Variants in SF3B3 observed in about 807,000 individuals in gnomAD.
SF3B3 encodes splicing factor 3b subunit 3.
In SF3B3, 33 loss-of-function variants were observed where a neutral mutation model predicts 139.2. The observed-to-expected ratio is 0.24, with a 90% CI of 0.18 to 0.32. SF3B3 has a LOEUF of 0.32. SF3B3 is among the 10% of genes least tolerant of loss of function. The pLI is 1.00. For missense variants in SF3B3, 818 were observed against 1,509.4 expected, an observed-to-expected ratio of 0.54 and a Z score of 7.59; for synonymous variants, 596 against 563.6, an observed-to-expected ratio of 1.06 and a Z score of -0.81.
At chr16:70,537,308 A>G (rs1337729066) in intron 6 of SF3B3, among the ~76,000 whole-genome samples, 2 of 152,120 alleles carry the variant, frequency 1.3e-5, no homozygotes, top group African/African-American at 2.4e-5. Context: ...GTGCCTGCCC[A>G]TTGTCTTCAT....
At chr16:70,532,301 AAAG>A (rs2050128789) in intron 4 of SF3B3, among the ~76,000 whole-genome samples, 175 bp from the exon 5 acceptor site, 1 of 141,676 alleles carries the variant, frequency 7.1e-6, no homozygotes, top group South Asian at 2.2e-4. Context: ...AAAAAAAAAA[AAAG>A]ATCATACCTC....
chr16:70,556,547 T>A, intron 14 of SF3B3: 2 of 625,390 alleles, frequency 3.2e-6, no homozygotes, highest in Non-Finnish European at 5.5e-6. Context: ...ACAGAAATGT[T>A]TCTTTGGCTT....
intron 9 of SF3B3, among the ~76,000 whole-genome samples, chr16:70,542,416 T>G (rs540896062): frequency 1.3e-5 from 2 of 152,342 alleles, no homozygotes; most frequent in African/African-American, 4.8e-5. Context: ...AGGAGGAACC[T>G]GAAGTGGCTC....
At chr16:70,528,089 A>G (rs1188655325) in intron 2 of SF3B3, among the ~76,000 whole-genome samples, 1 of 150,490 alleles carries the variant, frequency 6.6e-6, no homozygotes, top group African/African-American at 2.4e-5. Context: ...GCACATTTTT[A>G]ATACTAATTT....
chr16:70,532,659 G>T lies in SF3B3; in HGVS notation c.712+39G>T, dbSNP rs747625909. On this transcript the variant is annotated intron_variant, in intron 5 of 25. Coordinates refer to ENST00000302516, the MANE Select transcript of SF3B3 (RefSeq NM_012426.5). The stretch of plus-strand genomic sequence containing the variant: ...AGAGCTGCTTTGTACCCTTTTACTT[G>T]GTTCATTTTATGCCCAAACCTAATA... 7 of 1,604,710 alleles carry T rather than the reference G, an allele frequency of 4.4e-6. 1 individual carries two copies. In the Admixed American group the frequency reaches 8.4e-5, roughly 19 times the overall value.
intron 6 of SF3B3, among the ~76,000 whole-genome samples, chr16:70,536,807 CTTTTTTTTTT>C (rs34747226): frequency 8.2e-6 from 1 of 122,668 alleles, no homozygotes; most frequent in Admixed American, 8.8e-5. Context: ...AATTTTCTTT[CTTTTTTTTTT>C]TTTTTTTTTT....
rs1270740458 is a variant in SF3B3, at chr16:70,560,546, C to T, written c.2088C>T (p.Ser696=). ...LSDTRTRYLG[S]RPVKLFRVRM... is the part of the protein sequence containing the mutation. ...ATACTCGCACTCGGTACCTGGGGTC[C>T]CGTCCTGTGAAGCTCTTCCGAGTCC... The change falls in exon 16 of 26, where the codon TCC becomes TCT. Residue 696 remains serine (S), a synonymous_variant. Transcript: ENST00000302516. 6.2e-7 allele frequency: 1 copy of T among 1,613,890 alleles called. No homozygotes were observed. The highest frequency in any genetic ancestry group is 8.5e-7 in the Non-Finnish European group (1 of 1,179,850).
chr16:70,565,466 G>C lies in SF3B3; in HGVS notation c.2768G>C (p.Gly923Ala). The change falls in exon 20 of 26, where the codon GGC (glycine) becomes GCC (alanine). Residue 923 changes from glycine to alanine, a missense_variant. Gly to Ala is a moderately conservative substitution (Grantham distance 60). Transcript: ENST00000302516. ...LILNPRSVAG[G>A]FVYTYKLVNN... Reference sequence around the variant, plus strand: ...CTAAACCCCCGATCTGTGGCAGGGGGCTTCGTCTATACTTACAAGCTTGTG... The same window carrying C: ...CTAAACCCCCGATCTGTGGCAGGGGCCTTCGTCTATACTTACAAGCTTGTG... 1 of 1,614,188 alleles carries C rather than the reference G, an allele frequency of 6.2e-7. No homozygotes were observed.
At chr16:70,544,062 C>G (rs1392972947) in intron 9 of SF3B3, among the ~76,000 whole-genome samples, 6 of 152,124 alleles carry the variant, frequency 3.9e-5, no homozygotes, top group African/African-American at 7.2e-5. Context: ...TGCATAGAAT[C>G]AGAATAGCAA....
At chr16:70,532,369 A>AAAAAAAAAAAAT in intron 4 of SF3B3, 110 bp from the exon 5 acceptor site, 1 of 880,804 alleles carries the variant, frequency 1.1e-6, no homozygotes, top group Non-Finnish European at 1.7e-6. Context: ...AAAAAAAAAG[A>AAAAAAAAAAAAT]AGACATTTGT....
chr16:70,570,173 G>C (rs766474645), intron 24 of SF3B3, 24 bp downstream of exon 24: 1 of 1,613,172 alleles, frequency 6.2e-7, no homozygotes, highest in African/African-American at 1.3e-5. Context: ...CATTACTCTG[G>C]CCTTGACTTT....
chr16:70,555,382 G>A (rs2050369779), intron 13 of SF3B3, among the ~76,000 whole-genome samples, 176 bp downstream of exon 13: 1 of 151,572 alleles, frequency 6.6e-6, no homozygotes, highest in African/African-American at 2.4e-5. Flanking sequence ...AGGAGGCTGA[G>A]GCAGGAGAAT....
rs943004620 is a variant in SF3B3, at chr16:70,538,507, A to G, written c.963+47A>G. 2.0e-6 allele frequency: 3 copies of G among 1,517,696 alleles called. No homozygotes were observed. In the African/African-American group the frequency reaches 4.2e-5, roughly 21 times the overall value. 94.0% of individuals were successfully genotyped at this position (1,517,696 alleles called of 1,614,324 possible). On this transcript the variant is annotated intron_variant, in intron 7 of 25. Transcript: ENST00000302516. Reference sequence around the variant, plus strand: ...CAGTATAGCTACTCTATGAGATGAGATAGGCAAGACAGGTAATACTTTACA... The same window carrying G: ...CAGTATAGCTACTCTATGAGATGAGGTAGGCAAGACAGGTAATACTTTACA...
At chr16:70,553,635 T>C (rs1202782347) in intron 11 of SF3B3, among the ~76,000 whole-genome samples, 1 of 152,204 alleles carries the variant, frequency 6.6e-6, no homozygotes, top group African/African-American at 2.4e-5. Context: ...GCAGAAGCTG[T>C]TGTATGTTGT....
In SF3B3 at chr16:70,561,737, G is replaced by A; in HGVS notation, c.2241G>A (p.Ser747=). ...ETLEFASGFA[S]EQCPEGIVAI... is the part of the protein sequence containing the mutation. ...TGGAATTTGCATCGGGTTTTGCCTCGGAACAGTGTCCCGAGGGCATTGTGG... is the reference window on the plus strand; with the variant it reads ...TGGAATTTGCATCGGGTTTTGCCTCAGAACAGTGTCCCGAGGGCATTGTGG... The change falls in exon 17 of 26, where the codon TCG becomes TCA. Residue 747 remains serine (S), a synonymous_variant. Transcript: ENST00000302516. 5 of 1,613,912 alleles carry A rather than the reference G, an allele frequency of 3.1e-6. No homozygotes were observed. The highest frequency in any genetic ancestry group is 3.4e-6 in the Non-Finnish European group (4 of 1,179,952).
chr16:70,529,532 T>G, intron 3 of SF3B3: 1 of 268,544 alleles, frequency 3.7e-6, no homozygotes, highest in East Asian at 8.8e-5. Context: ...TGATTCACAT[T>G]CATGTCTCTT....
chr16:70,542,144 C>T (rs189628893), intron 9 of SF3B3, among the ~76,000 whole-genome samples: 8 of 151,858 alleles, frequency 5.3e-5, no homozygotes, highest in Admixed American at 5.2e-4. Context: ...TCCATTGAGC[C>T]ATATTGCTTG....
In SF3B3 at chr16:70,576,095, A is replaced by ATTT. The variant is rs2050577588; in HGVS notation, c.*4282_*4283insTTT. The ATTT allele has an allele frequency of 6.6e-6, 1 of 151,062 alleles. No individual in the cohort carries two copies. The highest frequency in any genetic ancestry group is 2.1e-4 in the South Asian group (1 of 4,794). The allele number at this position is 151,062 out of a possible 1,614,324, so 9.4% of individuals were successfully genotyped here. Reference sequence around the variant, plus strand: ...GTGAAGCCCTGTTTTTTTTTTTTTAAAAAAAGAGTCTGCTGGTGATGTCTG... The same window carrying ATTT: ...GTGAAGCCCTGTTTTTTTTTTTTTAATTTAAAAAGAGTCTGCTGGTGATGTCTG... On this transcript the variant is annotated 3_prime_UTR_variant, in exon 26 of 26. Transcript: ENST00000302516.
intron 10 of SF3B3, among the ~76,000 whole-genome samples, chr16:70,546,012 G>A (rs2050264819): frequency 6.6e-6 from 1 of 151,850 alleles, no homozygotes; most frequent in Admixed American, 6.6e-5. Context: ...TTGTTTTTTT[G>A]AGTGCAGTGG....
Sources: gnomAD v4.1 joint callset for allele counts (sites outside exome capture counted in the v4.1 genomes callset) on GRCh38, gnomAD v4.1.1 for gene constraint, MANE v1.5 for transcripts, NCBI Gene and HGNC (gene_info 2026-07-23, HGNC 2026-07-21) for gene names.